CSMD1: variants seen among roughly 807,000 people sequenced by gnomAD.
CSMD1 encodes CUB and sushi domain-containing protein 1.
A neutral mutation model predicts 417.5 loss-of-function variants in CSMD1; 213 were observed. That is an observed-to-expected ratio of 0.51 (90% CI 0.46 to 0.57). The LOEUF is 0.57. CSMD1 is among the 20% of genes least tolerant of loss of function. The probability of loss-of-function intolerance (pLI) is 0.00; values close to 1 mark genes in which losing one functional copy is unlikely to be tolerated. For missense variants in CSMD1, 6,923 were observed against 4,529.7 expected, an observed-to-expected ratio of 1.53 and a Z score of -15.17; for synonymous variants, 2,862 against 1,736.8, an observed-to-expected ratio of 1.65 and a Z score of -16.11.
intron 1 of CSMD1, among the ~76,000 whole-genome samples, chr8:4,986,598 GA>G (rs143440043): frequency 2.0e-5 from 3 of 151,502 alleles, no homozygotes; most frequent in Non-Finnish European, 2.9e-5. Flanking sequence ...AACAGTAAAA[GA>G]AAAAAAATAA....
intron 26 of CSMD1, among the ~76,000 whole-genome samples, chr8:3,244,539 G>T (rs1799755798): frequency 6.6e-6 from 1 of 152,160 alleles, no homozygotes; most frequent in East Asian, 1.9e-4. Context: ...ATACATCTGG[G>T]TCGCCTCTAA....
intron 5 of CSMD1, among the ~76,000 whole-genome samples, chr8:3,849,925 C>T (rs62482674): frequency 0.02 from 2,994 of 152,128 alleles, 43 homozygotes; most frequent in Non-Finnish European, 0.031. Flanking sequence ...AGCAATTCTC[C>T]AGCCTCAGCC....
intron 9 of CSMD1, among the ~76,000 whole-genome samples, 179 bp from the exon 10 acceptor site, chr8:3,575,245 G>A (rs958350652): frequency 2.0e-5 from 3 of 151,366 alleles, no homozygotes; most frequent in East Asian, 1.9e-4. Context: ...TTGCTCAGCC[G>A]GCAGGACTTT....
chr8:4,499,258 A>G (rs1034400018), intron 2 of CSMD1, among the ~76,000 whole-genome samples: 1 of 152,222 alleles, frequency 6.6e-6, no homozygotes, highest in African/African-American at 2.4e-5. Context: ...CTGGATAAGC[A>G]CAGGAAAGAA....
chr8:4,522,226 A>C (rs924846566), intron 2 of CSMD1, among the ~76,000 whole-genome samples: 4 of 152,022 alleles, frequency 2.6e-5, no homozygotes, highest in African/African-American at 7.2e-5. Context: ...TCTCTGCACA[A>C]ATTCTCTCTC....
At chr8:3,413,225 C>T (rs1812926970) in intron 12 of CSMD1, among the ~76,000 whole-genome samples, 1 of 152,134 alleles carries the variant, frequency 6.6e-6, no homozygotes, top group Non-Finnish European at 1.5e-5. Context: ...CTAAAGTTTA[C>T]AATTTCTCCT....
At chr8:2,989,836 A>G (rs1403186374) in intron 54 of CSMD1, among the ~76,000 whole-genome samples, 1 of 152,238 alleles carries the variant, frequency 6.6e-6, no homozygotes, top group East Asian at 1.9e-4. Context: ...TCCAATGCAC[A>G]GATGCCACGG....
chr8:3,624,963 A>T (rs1796423390), intron 7 of CSMD1, among the ~76,000 whole-genome samples: 1 of 152,156 alleles, frequency 6.6e-6, no homozygotes, highest in Non-Finnish European at 1.5e-5. Context: ...ATTAGATGAC[A>T]ATTTGAACAA....
intron 5 of CSMD1, among the ~76,000 whole-genome samples, chr8:3,911,619 T>G (rs914732390): frequency 2.6e-5 from 4 of 151,982 alleles, no homozygotes; most frequent in African/African-American, 4.8e-5. Context: ...GCCATCCAAT[T>G]CGATTAATAA....
intron 1 of CSMD1, among the ~76,000 whole-genome samples, chr8:4,799,834 T>C (rs976049735): frequency 1.3e-5 from 2 of 152,102 alleles, no homozygotes; most frequent in African/African-American, 4.8e-5. Context: ...TAGAATGCTC[T>C]TTCCAGCATT....
chr8:4,387,947 T>G (rs12550295), intron 3 of CSMD1, among the ~76,000 whole-genome samples: 2 of 152,100 alleles, frequency 1.3e-5, no homozygotes, highest in African/African-American at 4.8e-5. Context: ...AAGGATTTCA[T>G]GTCTGGTAAT....
chr8:4,219,123 C>A (rs1457911036), intron 3 of CSMD1, among the ~76,000 whole-genome samples: 2 of 152,288 alleles, frequency 1.3e-5, no homozygotes, highest in South Asian at 2.1e-4. Flanking sequence ...CAGACCCAGC[C>A]TCCTTTCATC....
At chr8:4,687,804 C>G (rs1806486182) in intron 1 of CSMD1, among the ~76,000 whole-genome samples, 1 of 148,232 alleles carries the variant, frequency 6.7e-6, no homozygotes, top group Non-Finnish European at 1.5e-5. Flanking sequence ...AATGCATGCA[C>G]AGACAGATAC....
chr8:4,418,967 G>C (rs979566335), intron 3 of CSMD1, among the ~76,000 whole-genome samples: 13 of 152,146 alleles, frequency 8.5e-5, no homozygotes, highest in Non-Finnish European at 1.6e-4. Flanking sequence ...TCTCTGCAAA[G>C]AGAACCTTCT....
intron 3 of CSMD1, among the ~76,000 whole-genome samples, chr8:4,200,335 T>G (rs1230913962): frequency 6.6e-6 from 1 of 152,154 alleles, no homozygotes; most frequent in African/African-American, 2.4e-5. Flanking sequence ...GTATGCTGTG[T>G]TTAGAGTCTG....
chr8:4,323,754 CCCCCCCTT>C (rs1382167617), intron 3 of CSMD1, among the ~76,000 whole-genome samples: 1 of 60,868 alleles, frequency 1.6e-5, no homozygotes, highest in Non-Finnish European at 5.4e-5. Flanking sequence ...ACTCAAATAT[CCCCCCCTT>C]CCCCTGGCCA....
In CSMD1 at chr8:2,942,601, G is replaced by T; in HGVS notation, c.10406C>A (p.Pro3469His). 6.4e-7 allele frequency: 1 copy of T among 1,574,088 alleles called. No homozygotes were observed. Among genetic ancestry groups the T allele is most frequent in the Non-Finnish European group, 8.6e-7 (1 of 1,158,828 alleles). Reference protein sequence around the residue: ...FGKFKLERQDPLNPDQDSSSH... With the variant: ...FGKFKLERQDHLNPDQDSSSH... ...GGAAGAGTCTTGATCTGGGTTTAAA[G>T]GATCTGTAAGATAAAGGAAATATTA... The change falls in exon 69 of 70, where the codon CCT becomes CAT. Residue 3469 changes from proline to histidine, a missense_variant. Pro to His is a moderately conservative substitution (Grantham distance 77, BLOSUM62 -2). Transcript: ENST00000635120.
At chr8:4,170,170 T>C (rs890656716) in intron 3 of CSMD1, among the ~76,000 whole-genome samples, 8 of 151,900 alleles carry the variant, frequency 5.3e-5, no homozygotes, top group Non-Finnish European at 1.0e-4. Context: ...TTGATAAGAG[T>C]GAAGGACCTT....
At position 4,611,600 on chromosome 8, in the gene CSMD1, A is replaced by T. The variant is rs181948677; in HGVS notation, c.302+25742T>A. On this transcript the variant is annotated intron_variant, in intron 2 of 69. Transcript: ENST00000635120. The stretch of plus-strand genomic sequence containing the variant: ...CTTCCCCTCACCTCACCAGAAGATG[A>T]AACTCTCTTTCTCTTTAACCTCCTA... Among the ~76,000 whole-genome samples, 5 of 152,326 alleles carry T rather than the reference A, an allele frequency of 3.3e-5. No homozygotes were observed. The East Asian group carries it at 9.6e-4, about 29-fold the overall frequency.
Sources: gnomAD v4.1 joint callset for allele counts (sites outside exome capture counted in the v4.1 genomes callset) on GRCh38, gnomAD v4.1.1 for gene constraint, MANE v1.5 for transcripts, NCBI Gene and HGNC (gene_info 2026-07-23, HGNC 2026-07-21) for gene names.